Variants in SFXN3 observed in about 807,000 individuals in gnomAD.
The protein encoded by SFXN3 is sideroflexin 3.
Under a neutral mutation model 40.4 loss-of-function variants are expected in SFXN3, and 31 were observed. The observed-to-expected ratio is 0.77, with a 90% CI of 0.58 to 1.04. SFXN3 has a LOEUF of 1.04. Ranked by LOEUF, SFXN3 falls within the 50% of genes least tolerant of loss-of-function variation. SFXN3 has a pLI of 0.00. For synonymous variants in SFXN3, 157 were observed against 160.0 expected (o/e 0.98, Z 0.14); for missense variants, 366 against 408.2 (o/e 0.90, Z 0.89).
At chr10:101,032,436 G>A (rs1304732589) in exon 2 of SFXN3, 14 of 1,529,536 alleles carry the variant, frequency 9.2e-6, no homozygotes, top group Non-Finnish European at 1.1e-5. Context: ...CGACAGCGGA[G>A]GCAGAGAGGA....
At chr10:101,034,665 G>C (rs189949812) in intron 2 of SFXN3, 27 bp from the exon 3 acceptor site, 4 of 1,611,708 alleles carry the variant, frequency 2.5e-6, no homozygotes, top group Non-Finnish European at 2.5e-6. Flanking sequence ...TTGGACTCCC[G>C]CTCTGACCCT....
chr10:101,037,603 G>A (rs944219539), intron 9 of SFXN3, 172 bp downstream of exon 9: 2 of 1,497,118 alleles, frequency 1.3e-6, no homozygotes, highest in African/African-American at 2.8e-5. Flanking sequence ...CTGGGCTGGG[G>A]TGAAGGAACT....
exon 10 of SFXN3, chr10:101,038,665 C>T: frequency 1.9e-6 from 3 of 1,613,114 alleles, no homozygotes; most frequent in Non-Finnish European, 2.5e-6. Flanking sequence ...CTGGGGGCAC[C>T]CCTGCAGGTG....
Position 101,038,699 on chromosome 10 carries a change from G to T in SFXN3, c.821+7G>T. On this transcript the variant is annotated splice_region_variant and intron_variant, in intron 10 of 11. Transcript: ENST00000393459. The stretch of plus-strand genomic sequence containing the variant: ...TGGGACTGGTGGGCTTCTGGTAAGT[G>T]TGCAAGGAGTTAGCTGGGGTGTGTG... 1 of 1,609,814 alleles carries T rather than the reference G, an allele frequency of 6.2e-7. No individual in the cohort carries two copies. Among genetic ancestry groups the T allele is most frequent in the Non-Finnish European group, 8.5e-7 (1 of 1,179,992 alleles).
chr10:101,038,811 T>C, intron 10 of SFXN3, 119 bp downstream of exon 10: 1 of 1,496,318 alleles, frequency 6.7e-7, no homozygotes, highest in African/African-American at 1.4e-5. Flanking sequence ...ATTCAGTGGG[T>C]GTGTGTTTGG....
exon 4 of SFXN3, chr10:101,035,534 C>T (rs749120130): frequency 1.2e-6 from 2 of 1,612,542 alleles, no homozygotes; most frequent in South Asian, 2.2e-5. Context: ...CGAGGACCAG[C>T]TGTGGAGGGC....
chr10:101,035,620 G>A, exon 4 of SFXN3: 1 of 1,614,038 alleles, frequency 6.2e-7, no homozygotes, highest in East Asian at 2.2e-5. Flanking sequence ...TGTCAGCCCA[G>A]GTGCCCATGA....
rs753154399 is a variant in SFXN3, at chr10:101,039,455, G to A, written c.870-34G>A. ...TGGGCCTGAGTGGGGTTGGATTCAG[G>A]GGACGTTAACTGGCCTGTGCTGTTC... On this transcript the variant is annotated intron_variant, in intron 11 of 11. Coordinates refer to ENST00000393459, the Ensembl canonical transcript of SFXN3. The surrounding 1 kb of genome is among the most constrained non-coding windows in gnomAD (Gnocchi z 4.6). The A allele has an allele frequency of 4.4e-6, 7 of 1,595,364 alleles. No homozygotes were observed.
intron 9 of SFXN3, chr10:101,037,812 G>T: frequency 8.9e-7 from 1 of 1,119,956 alleles, no homozygotes; most frequent in Non-Finnish European, 1.1e-6. Context: ...CGAAAGCAAA[G>T]CACAGGAACA....
rs533287360 is a variant in SFXN3 at position 101,036,151 on chromosome 10, C to T, written c.431+50C>T. On this transcript the variant is annotated intron_variant, in intron 5 of 11. Transcript: ENST00000393459. This position sits in a 1 kb window ranked among gnomAD's most constrained non-coding sequence, Gnocchi z 4.2. Reference sequence around the variant, plus strand: ...CTGCACTGTCCCATCTGACCCTCTCCTCCCAGCCTGCAGTGCCCTCTCCTT... The same window carrying T: ...CTGCACTGTCCCATCTGACCCTCTCTTCCCAGCCTGCAGTGCCCTCTCCTT... 4.4e-4 allele frequency: 646 copies of T among 1,464,150 alleles called. 3 individuals are homozygous for T. Among genetic ancestry groups the T allele is most frequent in the Non-Finnish European group, 5.5e-5 (58 of 1,045,546 alleles). The allele number at this position is 1,464,150 out of a possible 1,614,324, so 90.7% of individuals were successfully genotyped here.
intron 9 of SFXN3, 172 bp from the exon 10 acceptor site, chr10:101,038,471 G>C: frequency 2.0e-6 from 3 of 1,474,634 alleles, no homozygotes; most frequent in East Asian, 2.5e-5. Context: ...GGCTGGAGTG[G>C]AAGGGCGTGA....
intron 9 of SFXN3, chr10:101,038,126 C>T: frequency 3.0e-6 from 1 of 331,562 alleles, no homozygotes; most frequent in Non-Finnish European, 4.5e-6. Flanking sequence ...GAGGAGAGAG[C>T]CAAATAACGC....
chr10:101,032,482 CG>C lies in SFXN3; in HGVS notation c.-4+1del. ...GAGAGCTTCAGAGAGCGATGGAAAG[CG>C]TAAGTGCTCGCTCTCCCCGGCGGGC... On this transcript the variant is annotated splice_donor_variant, in intron 2 of 11. Transcript: ENST00000393459. LOFTEE classifies it low-confidence loss of function (5UTR_SPLICE). 5 of 1,545,032 alleles carry C rather than the reference CG, an allele frequency of 3.2e-6. No homozygotes were observed. The highest frequency in any genetic ancestry group is 1.4e-5 in the African/African-American group (1 of 71,658).
chr10:101,036,943 T>A lies in SFXN3; in HGVS notation c.594-133T>A. On this transcript the variant is annotated intron_variant, in intron 7 of 11. Transcript: ENST00000393459. This position sits in a 1 kb window ranked among gnomAD's most constrained non-coding sequence, Gnocchi z 4.2. ...GCTGGGCCCTGGCTCAGTCTGACCC[T>A]GGGATCCTCAGGTGGGAGAACCAGC... 6.6e-7 allele frequency: 1 copy of A among 1,519,754 alleles called. No individual in the cohort carries two copies. Among genetic ancestry groups the A allele is most frequent in the Non-Finnish European group, 8.9e-7 (1 of 1,127,948 alleles). 94.1% of individuals were successfully genotyped at this position (1,519,754 alleles called of 1,614,324 possible).
In SFXN3 at chr10:101,036,955, G is replaced by A. The variant is rs1938638698; in HGVS notation, c.594-121G>A. 6.6e-7 allele frequency: 1 copy of A among 1,525,704 alleles called. No individual in the cohort carries two copies. The highest frequency in any genetic ancestry group is 1.3e-5 in the South Asian group (1 of 79,164). 94.5% of individuals were successfully genotyped at this position (1,525,704 alleles called of 1,614,324 possible). A position where few individuals can be genotyped will look rare whatever the true frequency, so the allele number is the denominator to read the frequency against. Reference sequence around the variant, plus strand: ...CTCAGTCTGACCCTGGGATCCTCAGGTGGGAGAACCAGCCTTTGAGCCTGG... The same window carrying A: ...CTCAGTCTGACCCTGGGATCCTCAGATGGGAGAACCAGCCTTTGAGCCTGG... On this transcript the variant is annotated intron_variant, in intron 7 of 11. Coordinates refer to ENST00000393459, the Ensembl canonical transcript of SFXN3. This position sits in a 1 kb window ranked among gnomAD's most constrained non-coding sequence, Gnocchi z 4.2.
chr10:101,032,385 C>T lies in SFXN3; in HGVS notation c.-101C>T, dbSNP rs542975066. The T allele has an allele frequency of 6.1e-5, 85 of 1,391,138 alleles. 1 individual carries two copies. The East Asian group carries it at 2.2e-3, about 36-fold the overall frequency. The allele number at this position is 1,391,138 out of a possible 1,614,324, so 86.2% of individuals were successfully genotyped here. On this transcript the variant is annotated 5_prime_UTR_variant, in exon 2 of 12. Coordinates refer to ENST00000393459, the Ensembl canonical transcript of SFXN3. ...CCTGCCCCTCCCTGCTGGTCGGCGTCACGCGTGACGTCCCGCGTGATGGCT... is the reference window on the plus strand; with the variant it reads ...CCTGCCCCTCCCTGCTGGTCGGCGTTACGCGTGACGTCCCGCGTGATGGCT...
rs35361377 is a variant in SFXN3, at chr10:101,036,062, A to T, written c.392A>T (p.Asn131Ile). The change falls in exon 5 of 12, where the codon AAC becomes ATC. Residue 131 changes from asparagine (N) to isoleucine (I), a missense_variant. Transcript: ENST00000393459. This position sits in a 1 kb window ranked among gnomAD's most constrained non-coding sequence, Gnocchi z 4.2. ...AATCAGTCCTTCAATGCCATTGTTA[A>T]CTACTCCAACCGCAGTGGTGACACT... 3,366 of 1,613,956 alleles carry T rather than the reference A, an allele frequency of 2.1e-3. 72 individuals are homozygous for T. The African/African-American group carries it at 0.041, about 19-fold the overall frequency.
intron 1 of SFXN3, 56 bp from the exon 2 acceptor site, chr10:101,032,258 T>C (rs1418159487): frequency 3.8e-6 from 2 of 522,058 alleles, no homozygotes; most frequent in Non-Finnish European, 6.9e-6. Flanking sequence ...GCTTAGGGCC[T>C]GGTCCAGGTG....
chr10:101,039,105 G>A lies in SFXN3; in HGVS notation c.822-70G>A. ...CCCTAGGGCCTATCTCCAAGGATGG[G>A]GTGGGGTGCAGGGAGGGAACACCCT... On this transcript the variant is annotated intron_variant, in intron 10 of 11. Coordinates refer to ENST00000393459, the Ensembl canonical transcript of SFXN3. The surrounding 1 kb of genome is among the most constrained non-coding windows in gnomAD (Gnocchi z 4.6). The A allele has an allele frequency of 7.5e-7, 1 of 1,337,968 alleles. No individual in the cohort carries two copies. Among genetic ancestry groups the A allele is most frequent in the Non-Finnish European group, 1.1e-6 (1 of 929,776 alleles). The allele number at this position is 1,337,968 out of a possible 1,614,324, so 82.9% of individuals were successfully genotyped here.
Sources: gnomAD v4.1 joint callset for allele counts on GRCh38, gnomAD v4.1.1 for gene constraint, Gnocchi (gnomAD v3.1) non-coding constraint, MANE v1.5 for transcripts, NCBI Gene and HGNC (gene_info 2026-07-23, HGNC 2026-07-21) for gene names.